Variants in KRT80 observed in about 807,000 individuals in gnomAD.
The protein encoded by KRT80 is keratin 80.
Under a neutral mutation model 51.5 loss-of-function variants are expected in KRT80, and 36 were observed. That is an observed-to-expected ratio of 0.70 (90% CI 0.54 to 0.92). The LOEUF is 0.92. Ranked by LOEUF, KRT80 falls within the 40% of genes least tolerant of loss-of-function variation. The pLI, the probability that KRT80 is intolerant of heterozygous loss-of-function variation, is 0.00. For missense variants in KRT80, 566 were observed against 591.7 expected (o/e 0.96, Z 0.45); for synonymous variants, 235 against 248.3 (o/e 0.95, Z 0.50).
chr12:52,177,772 G>A (rs573392673), intron 4 of KRT80, among the ~76,000 whole-genome samples: 1 of 152,048 alleles, frequency 6.6e-6, no homozygotes, highest in Admixed American at 6.5e-5. Context: ...CTCCAAAGCT[G>A]AAACTAGAGT....
At chr12:52,174,424 T>C (rs1219496861) in intron 4 of KRT80, among the ~76,000 whole-genome samples, 1 of 152,238 alleles carries the variant, frequency 6.6e-6, no homozygotes, top group Admixed American at 6.5e-5. Context: ...GCACTCTGAC[T>C]TCAGGGTCCC....
At chr12:52,178,873 T>TAA (rs547760428) in intron 4 of KRT80, among the ~76,000 whole-genome samples, 5 of 140,840 alleles carry the variant, frequency 3.6e-5, no homozygotes, top group East Asian at 4.1e-4. Context: ...ACAGAAATAG[T>TAA]AAAAAAAAAA....
intron 4 of KRT80, among the ~76,000 whole-genome samples, 188 bp downstream of exon 4, chr12:52,180,325 C>A (rs370796518): frequency 2.6e-5 from 4 of 152,110 alleles, no homozygotes; most frequent in African/African-American, 9.7e-5. Context: ...GATGAATGTC[C>A]AGGGGTCATG....
chr12:52,183,426 T>A (rs996896205), intron 2 of KRT80, among the ~76,000 whole-genome samples: 6 of 152,232 alleles, frequency 3.9e-5, no homozygotes, highest in Non-Finnish European at 8.8e-5. Flanking sequence ...CCTTCCCTAC[T>A]GGGGCTTGGC....
chr12:52,172,090 C>G (rs939619258), intron 7 of KRT80, 108 bp downstream of exon 7: 3 of 1,238,082 alleles, frequency 2.4e-6, no homozygotes, highest in Non-Finnish European at 3.4e-6. Flanking sequence ...TAAACCCAGG[C>G]CTGGTAGGCT....
intron 4 of KRT80, among the ~76,000 whole-genome samples, chr12:52,176,007 G>A (rs1321506091): frequency 6.6e-6 from 1 of 152,158 alleles, no homozygotes; most frequent in Non-Finnish European, 1.5e-5. Context: ...TCTACAGGAG[G>A]GCCTAACTTG....
At chr12:52,176,118 A>G (rs1443032410) in intron 4 of KRT80, among the ~76,000 whole-genome samples, 2 of 152,240 alleles carry the variant, frequency 1.3e-5, no homozygotes, top group Non-Finnish European at 2.9e-5. Context: ...TTTTCTGGAA[A>G]GAGGCAGGCT....
At chr12:52,183,772 G>C (rs1294052762) in intron 2 of KRT80, among the ~76,000 whole-genome samples, 4 of 152,258 alleles carry the variant, frequency 2.6e-5, no homozygotes, top group African/African-American at 7.2e-5. Context: ...CCAGTGGCTG[G>C]CTGGGGTTAG....
chr12:52,174,063 C>A (rs1386343412), intron 4 of KRT80, among the ~76,000 whole-genome samples: 1 of 152,228 alleles, frequency 6.6e-6, no homozygotes, highest in Non-Finnish European at 1.5e-5. Flanking sequence ...TGCACTGTTG[C>A]CCTCTCCTGG....
intron 2 of KRT80, among the ~76,000 whole-genome samples, chr12:52,183,828 G>A (rs1941361586): frequency 6.6e-6 from 1 of 152,218 alleles, no homozygotes; most frequent in African/African-American, 2.4e-5. Flanking sequence ...GACAAGCCCT[G>A]CCCTTTCAGG....
intron 1 of KRT80, among the ~76,000 whole-genome samples, chr12:52,187,539 A>C (rs1239094985): frequency 6.6e-6 from 1 of 152,146 alleles, no homozygotes; most frequent in Non-Finnish European, 1.5e-5. Context: ...GTTTTTCCTG[A>C]AGTGCTCTGA....
At chr12:52,182,594 CT>C (rs1941342379) in intron 2 of KRT80, among the ~76,000 whole-genome samples, 1 of 152,228 alleles carries the variant, frequency 6.6e-6, no homozygotes, top group African/African-American at 2.4e-5. Context: ...CTGCTTCGGC[CT>C]CAGGAAGCCT....
chr12:52,173,225 C>T (rs907916825), intron 5 of KRT80, 62 bp from the exon 6 acceptor site: 34 of 1,482,178 alleles, frequency 2.3e-5, no homozygotes, highest in Admixed American at 2.3e-5. Context: ...ACTTGTTACC[C>T]GCCTCTGCTT....
chr12:52,176,344 G>T (rs1213545465), intron 4 of KRT80, among the ~76,000 whole-genome samples: 1 of 152,210 alleles, frequency 6.6e-6, no homozygotes, highest in African/African-American at 2.4e-5. Flanking sequence ...CCCTTAGGAG[G>T]CTGCTGTGCG....
rs540621918 is a variant in KRT80, at chr12:52,189,032, C to T, written c.300+2571G>A. Among the ~76,000 whole-genome samples the T allele has an allele frequency of 5.9e-5, 9 of 152,304 alleles. No individual in the cohort carries two copies. In the East Asian group the frequency reaches 1.3e-3, roughly 23 times the overall value. ...AGGGTAAATGACTTGCCCAGGAAAA[C>T]GCAGCCAGCAAGTGGAAGAAACCAC... On this transcript the variant is annotated intron_variant, in intron 1 of 8. Coordinates refer to ENST00000394815, the MANE Select transcript of KRT80 (RefSeq NM_182507.3).
intron 2 of KRT80, among the ~76,000 whole-genome samples, chr12:52,182,624 C>G (rs1941342839): frequency 1.3e-5 from 2 of 152,228 alleles, no homozygotes; most frequent in Non-Finnish European, 2.9e-5. Context: ...AGCACAGGTG[C>G]CTCTCTGCCA....
At chr12:52,181,913 T>C (rs935690792) in intron 2 of KRT80, among the ~76,000 whole-genome samples, 2 of 152,236 alleles carry the variant, frequency 1.3e-5, no homozygotes, top group Non-Finnish European at 2.9e-5. Flanking sequence ...CCTGAATCAC[T>C]GGCGGCTCTA....
At chr12:52,180,098 A>G (rs1033389983) in intron 4 of KRT80, among the ~76,000 whole-genome samples, 1 of 152,212 alleles carries the variant, frequency 6.6e-6, no homozygotes, top group African/African-American at 2.4e-5. Context: ...TATCAGAACT[A>G]GCACTGTGGG....
intron 1 of KRT80, among the ~76,000 whole-genome samples, chr12:52,186,878 C>A (rs1044886319): frequency 6.6e-6 from 1 of 152,114 alleles, no homozygotes; most frequent in Non-Finnish European, 1.5e-5. Flanking sequence ...CTCCCCCTGC[C>A]TCCCTCCTCC....
Sources: gnomAD v4.1 joint callset for allele counts (sites outside exome capture counted in the v4.1 genomes callset) on GRCh38, gnomAD v4.1.1 for gene constraint, MANE v1.5 for transcripts, NCBI Gene and HGNC (gene_info 2026-07-23, HGNC 2026-07-21) for gene names.